GRM3: variants seen among roughly 807,000 people sequenced by gnomAD.
GRM3 encodes glutamate metabotropic receptor 3.
Under a neutral mutation model 70.5 loss-of-function variants are expected in GRM3, and 26 were observed. The ratio of observed to expected loss-of-function variants is 0.37; its 90% CI spans 0.27 to 0.51. The LOEUF (loss-of-function observed/expected upper bound fraction) is 0.51. GRM3 is among the 20% of genes least tolerant of loss of function. The pLI is 0.93. For missense variants in GRM3, 859 were observed against 1,123.8 expected, an observed-to-expected ratio of 0.76 and a Z score of 3.37; for synonymous variants, 443 against 434.9, an observed-to-expected ratio of 1.02 and a Z score of -0.23.
At chr7:86,655,289 A>T (rs1793707594) in intron 1 of GRM3, among the ~76,000 whole-genome samples, 2 of 152,194 alleles carry the variant, frequency 1.3e-5, no homozygotes. Flanking sequence ...AGTTCATACT[A>T]ATGATTTTTT....
At chr7:86,821,666 G>C (rs1415140264) in intron 3 of GRM3, among the ~76,000 whole-genome samples, 2 of 152,034 alleles carry the variant, frequency 1.3e-5, no homozygotes, top group Admixed American at 6.6e-5. Context: ...TCTAGACAGG[G>C]GACCCAGAGC....
At chr7:86,645,408 G>A (rs1793433884) in intron 1 of GRM3, among the ~76,000 whole-genome samples, 1 of 152,158 alleles carries the variant, frequency 6.6e-6, no homozygotes, top group East Asian at 1.9e-4. Context: ...TTGGAAAGGA[G>A]CCTTAACTCA....
chr7:86,803,795 T>C (rs1238046380), intron 3 of GRM3, among the ~76,000 whole-genome samples: 1 of 152,146 alleles, frequency 6.6e-6, no homozygotes, highest in Non-Finnish European at 1.5e-5. Context: ...TCATGTTTGA[T>C]GGCCCACCAC....
chr7:86,721,753 T>G (rs1795469532), intron 1 of GRM3, among the ~76,000 whole-genome samples: 1 of 152,102 alleles, frequency 6.6e-6, no homozygotes, highest in African/African-American at 2.4e-5. Context: ...GTCAAGGGGA[T>G]GATACCAAGA....
intron 2 of GRM3, among the ~76,000 whole-genome samples, chr7:86,769,639 G>A (rs1364255271): frequency 6.6e-6 from 1 of 152,102 alleles, no homozygotes; most frequent in Non-Finnish European, 1.5e-5. Flanking sequence ...TCATACAATA[G>A]GCAGTGTTTG....
chr7:86,826,153 T>A (rs892103922), intron 3 of GRM3, among the ~76,000 whole-genome samples: 7 of 152,186 alleles, frequency 4.6e-5, no homozygotes, highest in South Asian at 2.1e-4. Context: ...TCATCAGAAT[T>A]CACAATTTAT....
At chr7:86,853,762 G>A (rs1290631636) in intron 5 of GRM3, among the ~76,000 whole-genome samples, 3 of 152,094 alleles carry the variant, frequency 2.0e-5, no homozygotes, top group Admixed American at 2.0e-4. Flanking sequence ...ATAACTTAAA[G>A]GCTTAAAACA....
chr7:86,706,399 C>G (rs1795057895), intron 1 of GRM3, among the ~76,000 whole-genome samples: 1 of 152,016 alleles, frequency 6.6e-6, no homozygotes, highest in South Asian at 2.1e-4. Context: ...TCTAAAAGAA[C>G]AGAGAGGATA....
rs1409061121 is a variant in GRM3, at chr7:86,839,389, A to G, written c.1875A>G (p.Ser625=). The change falls in exon 4 of 6, where the codon TCA becomes TCG. Residue 625 remains serine (S), a synonymous_variant. Coordinates refer to ENST00000361669, the MANE Select transcript of GRM3 (RefSeq NM_000840.3). This position sits in a 1 kb window ranked among gnomAD's most constrained non-coding sequence, Gnocchi z 4.5. ...CYILLFGVGL[S]YCMTFFFIAK... is the part of the protein sequence containing the mutation. ...TCTTATTGTTTGGGGTTGGCCTGTC[A>G]TACTGCATGACATTCTTCTTCATTG... is the stretch of plus-strand genomic sequence containing the variant. 1.2e-6 allele frequency: 2 copies of G among 1,614,132 alleles called. No individual in the cohort carries two copies. Among genetic ancestry groups the G allele is most frequent in the Middle Eastern group, 1.6e-4 (1 of 6,062 alleles).
chr7:86,816,541 C>G (rs1798020029), intron 3 of GRM3, among the ~76,000 whole-genome samples: 1 of 151,948 alleles, frequency 6.6e-6, no homozygotes, highest in African/African-American at 2.4e-5. Flanking sequence ...TGAGAACATG[C>G]ATATTTGGTT....
At chr7:86,723,975 C>T (rs1272108415) in intron 1 of GRM3, among the ~76,000 whole-genome samples, 2 of 152,148 alleles carry the variant, frequency 1.3e-5, no homozygotes, top group African/African-American at 4.8e-5. Context: ...ACTGCAGGCT[C>T]ATTAACTATA....
At chr7:86,674,517 A>G (rs889120567) in intron 1 of GRM3, among the ~76,000 whole-genome samples, 1 of 152,184 alleles carries the variant, frequency 6.6e-6, no homozygotes, top group African/African-American at 2.4e-5. Flanking sequence ...GAGAAGGAGC[A>G]TCAAAGAACT....
chr7:86,662,560 A>G (rs1427980426), intron 1 of GRM3, among the ~76,000 whole-genome samples: 26 of 151,936 alleles, frequency 1.7e-4, no homozygotes. Flanking sequence ...TTTACTGATA[A>G]TAAATTATTT....
chr7:86,850,826 G>A (rs1798742397), intron 5 of GRM3, among the ~76,000 whole-genome samples: 1 of 152,128 alleles, frequency 6.6e-6, no homozygotes, highest in Non-Finnish European at 1.5e-5. Flanking sequence ...TGTGGGGTTA[G>A]ATAACCTGGT....
At chr7:86,771,498 T>C (rs935009447) in intron 2 of GRM3, among the ~76,000 whole-genome samples, 4 of 152,008 alleles carry the variant, frequency 2.6e-5, no homozygotes, top group Non-Finnish European at 5.9e-5. Context: ...TATCAGAAAA[T>C]AAGCATTTAT....
intron 1 of GRM3, among the ~76,000 whole-genome samples, chr7:86,653,173 G>A (rs1440517050): frequency 1.3e-5 from 2 of 152,192 alleles, no homozygotes; most frequent in Admixed American, 1.3e-4. Context: ...GGAAGAGGAG[G>A]TGCTCTGGGC....
intron 3 of GRM3, among the ~76,000 whole-genome samples, chr7:86,809,617 T>C (rs1457943118): frequency 6.6e-6 from 1 of 152,048 alleles, no homozygotes; most frequent in East Asian, 1.9e-4. Flanking sequence ...ATTGTGGGCT[T>C]CATTGATGAA....
chr7:86,835,892 A>G (rs1225015820), intron 3 of GRM3, among the ~76,000 whole-genome samples: 1 of 152,172 alleles, frequency 6.6e-6, no homozygotes. Flanking sequence ...GATAACAGAT[A>G]TGAGCCATCA....
At position 86,850,514 on chromosome 7, in the gene GRM3, G is replaced by C; in HGVS notation, c.2536G>C (p.Val846Leu). 2 of 1,610,400 alleles carry C rather than the reference G, an allele frequency of 1.2e-6. No individual in the cohort carries two copies. Among genetic ancestry groups the C allele is most frequent in the Non-Finnish European group, 1.7e-6 (2 of 1,176,736 alleles). The stretch of plus-strand genomic sequence containing the variant: ...CAGACTGCACCTCAACAGGTTCAGT[G>C]TCAGTGGAACTGGGACCACATACTC... ...THRLHLNRFS[V>L]SGTGTTYSQS... Residue 846 changes from valine to leucine, a missense_variant, in exon 5 of 6, where the codon GTC becomes CTC. Coordinates refer to ENST00000361669, the MANE Select transcript of GRM3 (RefSeq NM_000840.3).
Sources: allele counts gnomAD v4.1 joint callset (sites outside exome capture counted in the v4.1 genomes callset), GRCh38; gene constraint gnomAD v4.1.1; non-coding constraint Gnocchi (gnomAD v3.1); transcripts MANE v1.5; gene names NCBI Gene and HGNC (gene_info 2026-07-23, HGNC 2026-07-21).